IDE: variants seen among roughly 807,000 people sequenced by gnomAD.
IDE encodes the protein insulin degrading enzyme, also known as insulin-degrading enzyme.
Under a neutral mutation model 133.2 loss-of-function variants are expected in IDE, and 58 were observed. The observed-to-expected ratio is 0.44, with a 90% CI of 0.35 to 0.54. The LOEUF (loss-of-function observed/expected upper bound fraction) is 0.54, where lower values mean the gene tolerates loss of function less well. Ranked by LOEUF, IDE falls within the 20% of genes least tolerant of loss-of-function variation. IDE has a pLI of 0.00. For synonymous variants in IDE, 396 were observed against 421.3 expected, an observed-to-expected ratio of 0.94 and a Z score of 0.73; for missense variants, 981 against 1,234.0, an observed-to-expected ratio of 0.79 and a Z score of 3.07.
rs1409905987 is a variant in IDE, at chr10:92,504,718, C to T, written c.1430+76G>A. ...AAAATGTTTAAAAGCATTTTATTCA[C>T]AATTTCAAATTTTTTCAGATTCTAA... On this transcript the variant is annotated intron_variant, in intron 11 of 24. Transcript: ENST00000265986. 3 of 779,286 alleles carry T rather than the reference C, an allele frequency of 3.8e-6. No homozygotes were observed. In the African/African-American group the frequency reaches 5.3e-5, roughly 14 times the overall value. The allele number at this position is 779,286 out of a possible 1,614,324, so 48.3% of individuals were successfully genotyped here.
intron 1 of IDE, among the ~76,000 whole-genome samples, chr10:92,544,433 T>C (rs1328268339): frequency 6.6e-6 from 1 of 152,074 alleles, no homozygotes; most frequent in Non-Finnish European, 1.5e-5. Context: ...GCTTGCATAC[T>C]AAAGTATAAC....
At chr10:92,513,399 G>A (rs192221106) in intron 5 of IDE, among the ~76,000 whole-genome samples, 3,345 of 152,224 alleles carry the variant, frequency 0.022, 55 homozygotes, top group Non-Finnish European at 0.036. Flanking sequence ...CGCCATGTTG[G>A]CTGGGCTGGT....
intron 1 of IDE, among the ~76,000 whole-genome samples, chr10:92,547,980 G>A (rs1361806179): frequency 6.6e-6 from 1 of 152,014 alleles, no homozygotes; most frequent in African/African-American, 2.4e-5. Flanking sequence ...TGAACACCCA[G>A]GCCCAAGCGA....
At chr10:92,510,438 T>C (rs1848520938) in intron 5 of IDE, among the ~76,000 whole-genome samples, 1 of 152,210 alleles carries the variant, frequency 6.6e-6, no homozygotes, top group Non-Finnish European at 1.5e-5. Flanking sequence ...AACAGGCATA[T>C]ATACTGAACT....
At chr10:92,524,176 G>A (rs1321932849) in intron 4 of IDE, among the ~76,000 whole-genome samples, 1 of 146,344 alleles carries the variant, frequency 6.8e-6, no homozygotes, top group Non-Finnish European at 1.5e-5. Flanking sequence ...TGGGCATGGT[G>A]GCAGGCATGT....
At chr10:92,570,971 T>C (rs1195569972) in intron 1 of IDE, among the ~76,000 whole-genome samples, 15 of 151,678 alleles carry the variant, frequency 9.9e-5, no homozygotes, top group Admixed American at 7.9e-4. Flanking sequence ...CTGGGGAGAC[T>C]GTCCCCAACC....
At chr10:92,519,512 C>T (rs1849103936) in intron 4 of IDE, among the ~76,000 whole-genome samples, 1 of 152,234 alleles carries the variant, frequency 6.6e-6, no homozygotes, top group South Asian at 2.1e-4. Context: ...GGAGAGAACA[C>T]TGCCTTGGCA....
chr10:92,455,761 T>C, intron 23 of IDE, 118 bp from the exon 24 acceptor site: 1 of 634,656 alleles, frequency 1.6e-6, no homozygotes, highest in Non-Finnish European at 2.8e-6. Flanking sequence ...CCCGTTCATG[T>C]ACTTCTCAGA....
chr10:92,557,878 A>AC (rs1843089418), intron 1 of IDE, among the ~76,000 whole-genome samples: 1 of 151,152 alleles, frequency 6.6e-6, no homozygotes, highest in South Asian at 2.1e-4. Context: ...CCACCTCAAA[A>AC]AAAAAAAAAA....
intron 1 of IDE, among the ~76,000 whole-genome samples, chr10:92,572,497 T>C (rs892949563): frequency 2.6e-5 from 4 of 152,160 alleles, no homozygotes; most frequent in Admixed American, 2.6e-4. Context: ...CCAACAGGTT[T>C]CTCTGCCTTA....
chr10:92,487,196 C>T lies in IDE; in HGVS notation c.1656G>A (p.Lys552=), dbSNP rs745520537. ...KEATPYPALI[K]DTAMSKLWFK... is the part of the protein sequence containing the mutation. The stretch of plus-strand genomic sequence containing the variant: ...AAAATCACTGATTCAAACACATTAC[C>T]TTAATAAGAGCAGGGTATGGTGTCG... The change falls in exon 13 of 25, where the codon AAG becomes AAA. Residue 552 remains lysine, a splice_region_variant and synonymous_variant. Coordinates refer to ENST00000265986, the MANE Select transcript of IDE (RefSeq NM_004969.4). 4 of 1,610,302 alleles carry T rather than the reference C, an allele frequency of 2.5e-6. No individual in the cohort carries two copies. The highest frequency in any genetic ancestry group is 3.4e-6 in the Non-Finnish European group (4 of 1,178,910).
rs545253561 is a variant in IDE, at chr10:92,477,734, G to T, written c.1884+1543C>A. 8.5e-5 allele frequency among the ~76,000 whole-genome samples: 13 copies of T among 152,304 alleles called. No individual in the cohort carries two copies. The South Asian group carries it at 1.2e-3, about 15-fold the overall frequency. Reference sequence around the variant, plus strand: ...CCATTTTGTCATAAATAAAAATTATGTGTTTTGATGGTAATATGCTACTAA... The same window carrying T: ...CCATTTTGTCATAAATAAAAATTATTTGTTTTGATGGTAATATGCTACTAA... On this transcript the variant is annotated intron_variant, in intron 15 of 24. Transcript: ENST00000265986.
intron 4 of IDE, among the ~76,000 whole-genome samples, chr10:92,527,662 T>C (rs74231312): frequency 0.021 from 3,184 of 152,358 alleles, 49 homozygotes; most frequent in Admixed American, 0.052. Context: ...ATTTTACAGC[T>C]TTGTTAAATA....
At chr10:92,551,859 G>A (rs746746346) in intron 1 of IDE, among the ~76,000 whole-genome samples, 1 of 152,106 alleles carries the variant, frequency 6.6e-6, no homozygotes, top group African/African-American at 2.4e-5. Flanking sequence ...AAATGGGCCA[G>A]GTGCAGTGGC....
intron 1 of IDE, among the ~76,000 whole-genome samples, chr10:92,551,297 C>T (rs1400658409): frequency 1.3e-5 from 2 of 152,146 alleles, no homozygotes; most frequent in African/African-American, 2.4e-5. Context: ...TGGCTGGGTG[C>T]AGTGGCTCAT....
intron 22 of IDE, among the ~76,000 whole-genome samples, chr10:92,458,753 G>A (rs1331368882): frequency 2.0e-5 from 3 of 151,130 alleles, no homozygotes; most frequent in Non-Finnish European, 4.4e-5. Context: ...GCCCACCTCG[G>A]CCTCCCAAAG....
At chr10:92,555,618 T>C (rs1842970072) in intron 1 of IDE, among the ~76,000 whole-genome samples, 2 of 152,186 alleles carry the variant, frequency 1.3e-5, no homozygotes, top group African/African-American at 4.8e-5. Flanking sequence ...TATGAGATTG[T>C]TTCAAAAATA....
chr10:92,469,445 T>A (rs1845852898), intron 18 of IDE, among the ~76,000 whole-genome samples: 1 of 152,112 alleles, frequency 6.6e-6, no homozygotes, highest in African/African-American at 2.4e-5. Context: ...TTTTTTTTTT[T>A]TGAGACAGGG....
intron 1 of IDE, among the ~76,000 whole-genome samples, chr10:92,560,954 C>T (rs756682966): frequency 7.9e-5 from 12 of 151,430 alleles, no homozygotes; most frequent in South Asian, 2.1e-4. Context: ...CGAACTCAGG[C>T]CGGGTGTGGT....
Sources: gnomAD v4.1 joint callset for allele counts (sites outside exome capture counted in the v4.1 genomes callset) on GRCh38, gnomAD v4.1.1 for gene constraint, MANE v1.5 for transcripts, NCBI Gene and HGNC (gene_info 2026-07-23, HGNC 2026-07-21) for gene names.